Variants in GALNT17 observed in about 807,000 individuals in gnomAD.
GALNT17 encodes UDP-GalNAc:polypeptide N-acetylgalactosaminyltransferase-like 3.
A neutral mutation model predicts 63.7 loss-of-function variants in GALNT17; 29 were observed. The observed-to-expected ratio is 0.46, with a 90% CI of 0.34 to 0.62. The LOEUF (loss-of-function observed/expected upper bound fraction) is 0.62, where lower values mean the gene tolerates loss of function less well. Ranked by LOEUF, GALNT17 falls within the 20% of genes least tolerant of loss-of-function variation. GALNT17 has a pLI of 0.01. For missense variants in GALNT17, 603 were observed against 799.6 expected, an observed-to-expected ratio of 0.75 and a Z score of 2.97; for synonymous variants, 305 against 318.3, an observed-to-expected ratio of 0.96 and a Z score of 0.45.
intron 5 of GALNT17, among the ~76,000 whole-genome samples, chr7:71,541,110 G>C (rs921979476): frequency 1.3e-5 from 2 of 152,000 alleles, no homozygotes; most frequent in Non-Finnish European, 2.9e-5. Flanking sequence ...TGGGCGTGGT[G>C]GTGTATACCT....
chr7:71,135,296 C>T (rs1399199212), intron 1 of GALNT17, among the ~76,000 whole-genome samples: 2 of 152,212 alleles, frequency 1.3e-5, no homozygotes, highest in African/African-American at 4.8e-5. Flanking sequence ...AGTGCATTAT[C>T]TCACTGTATG....
chr7:71,651,174 G>T (rs1790748469), intron 6 of GALNT17, among the ~76,000 whole-genome samples: 2 of 138,768 alleles, frequency 1.4e-5, no homozygotes, highest in African/African-American at 5.1e-5. Flanking sequence ...AGTAGTGGGT[G>T]GTAGGGAAGA....
chr7:71,544,675 C>T (rs1788952519), intron 5 of GALNT17, among the ~76,000 whole-genome samples: 1 of 152,188 alleles, frequency 6.6e-6, no homozygotes, highest in East Asian at 1.9e-4. Flanking sequence ...CAAAAAATTT[C>T]TAGAAGTTTT....
At chr7:71,377,352 G>A (rs375103251) in intron 2 of GALNT17, among the ~76,000 whole-genome samples, 12 of 20,926 alleles carry the variant, frequency 5.7e-4, no homozygotes, top group South Asian at 2.3e-3. Flanking sequence ...GTGAATATTC[G>A]GAGAATATTC....
chr7:71,440,823 C>G (rs909277643), intron 5 of GALNT17, among the ~76,000 whole-genome samples: 5 of 152,160 alleles, frequency 3.3e-5, no homozygotes, highest in Non-Finnish European at 4.4e-5. Context: ...CCTAGTCTCT[C>G]CAGTAGCACT....
chr7:71,443,380 A>G (rs1226829621), intron 5 of GALNT17, among the ~76,000 whole-genome samples: 1 of 152,168 alleles, frequency 6.6e-6, no homozygotes, highest in Non-Finnish European at 1.5e-5. Context: ...TCATGCTGAA[A>G]TTTGATCCGC....
intron 5 of GALNT17, among the ~76,000 whole-genome samples, chr7:71,465,775 A>G (rs1787525402): frequency 1.3e-5 from 2 of 152,206 alleles, no homozygotes; most frequent in South Asian, 4.1e-4. Context: ...AAGCTTATAT[A>G]CTGTCTTGAG....
intron 9 of GALNT17, among the ~76,000 whole-genome samples, chr7:71,694,823 C>T (rs564368766): frequency 1.3e-5 from 2 of 152,298 alleles, no homozygotes; most frequent in South Asian, 4.1e-4. Context: ...AAGTCCTTAA[C>T]CATTATACTC....
At chr7:71,547,106 C>T (rs944942159) in intron 5 of GALNT17, among the ~76,000 whole-genome samples, 2 of 151,932 alleles carry the variant, frequency 1.3e-5, no homozygotes, top group African/African-American at 2.4e-5. Context: ...ATTCTCGTGC[C>T]TCAGCCTCCT....
intron 1 of GALNT17, among the ~76,000 whole-genome samples, chr7:71,227,783 C>CA (rs1789708794): frequency 6.6e-6 from 1 of 151,932 alleles, no homozygotes. Flanking sequence ...AGTGATTTGC[C>CA]AAAAAACCCA....
At chr7:71,159,705 C>T (rs960316) in intron 1 of GALNT17, among the ~76,000 whole-genome samples, 1 of 148,606 alleles carries the variant, frequency 6.7e-6, no homozygotes, top group Non-Finnish European at 1.5e-5. Context: ...ATGCCTGGGG[C>T]ATCTGCTGTC....
chr7:71,393,416 A>G lies in GALNT17; in HGVS notation c.589+5015A>G, dbSNP rs903694850. Among the ~76,000 whole-genome samples, 3 of 152,342 alleles carry G rather than the reference A, an allele frequency of 2.0e-5. No homozygotes were observed. In the East Asian group the frequency reaches 5.8e-4, roughly 29 times the overall value. Reference sequence around the variant, plus strand: ...AATTGGAAAAAAATAAATACTGAAGAGACTAACCAGAGGCAACTGCTCATT... The same window carrying G: ...AATTGGAAAAAAATAAATACTGAAGGGACTAACCAGAGGCAACTGCTCATT... On this transcript the variant is annotated intron_variant, in intron 3 of 10. Coordinates refer to ENST00000333538, the MANE Select transcript of GALNT17 (RefSeq NM_022479.3).
intron 6 of GALNT17, among the ~76,000 whole-genome samples, chr7:71,572,322 C>T (rs10259078): frequency 0.11 from 17,077 of 149,884 alleles, 1,584 homozygotes; most frequent in African/African-American, 0.26. Flanking sequence ...GGTGACATAA[C>T]AAAACCACCA....
At chr7:71,362,009 TACAGTGGTGCAGTCTC>T (rs1229004344) in intron 2 of GALNT17, among the ~76,000 whole-genome samples, 1 of 152,110 alleles carries the variant, frequency 6.6e-6, no homozygotes, top group Admixed American at 6.6e-5. Flanking sequence ...CAGGCTGGGG[TACAGTGGTGCAGTCTC>T]AGCTCACTGC....
intron 6 of GALNT17, among the ~76,000 whole-genome samples, chr7:71,602,533 C>G (rs1562706681): frequency 6.6e-6 from 1 of 152,176 alleles, no homozygotes. Flanking sequence ...ATAATTGACT[C>G]TACGTGTTAC....
chr7:71,575,142 T>C (rs1789515087), intron 6 of GALNT17, among the ~76,000 whole-genome samples: 1 of 152,202 alleles, frequency 6.6e-6, no homozygotes, highest in South Asian at 2.1e-4. Context: ...ACTTCTCCTT[T>C]CATTTTGTGC....
chr7:71,301,397 A>G (rs964642224), intron 1 of GALNT17, among the ~76,000 whole-genome samples: 1 of 147,474 alleles, frequency 6.8e-6, no homozygotes, highest in Non-Finnish European at 1.5e-5. Context: ...ATATAATAAA[A>G]TATATATTTA....
intron 5 of GALNT17, among the ~76,000 whole-genome samples, chr7:71,471,399 C>CAAAA (rs35529889): frequency 7.8e-5 from 7 of 89,594 alleles, no homozygotes; most frequent in African/African-American, 2.3e-4. Context: ...TTTTTTTTTC[C>CAAAA]AAAAAAAAAA....
At chr7:71,710,689 G>A in intron 9 of GALNT17, 72 bp from the exon 10 acceptor site, 4 of 1,557,768 alleles carry the variant, frequency 2.6e-6, no homozygotes, top group Non-Finnish European at 3.5e-6. Flanking sequence ...CGAGAGACCT[G>A]AGCCCTGCTT....
Sources: allele counts gnomAD v4.1 joint callset (sites outside exome capture counted in the v4.1 genomes callset), GRCh38; gene constraint gnomAD v4.1.1; transcripts MANE v1.5; gene names NCBI Gene and HGNC (gene_info 2026-07-23, HGNC 2026-07-21).